Variants in TSEN2 observed in about 807,000 individuals in gnomAD.
TSEN2 encodes the protein tRNA splicing endonuclease subunit 2.
A neutral mutation model predicts 59.2 loss-of-function variants in TSEN2; 54 were observed. That is an observed-to-expected ratio of 0.91 (90% CI 0.73 to 1.14). The LOEUF is 1.14. Ranked by LOEUF, TSEN2 falls within the 50% of genes most tolerant of loss-of-function variation. TSEN2 has a pLI of 0.00. For missense variants in TSEN2, 636 were observed against 576.2 expected (o/e 1.10, Z -1.06); for synonymous variants, 195 against 198.2 (o/e 0.98, Z 0.14).
downstream of TSEN2, among the ~76,000 whole-genome samples, chr3:12,537,812 T>C (rs1042889908): frequency 4.6e-5 from 7 of 152,180 alleles, no homozygotes; most frequent in African/African-American, 1.7e-4. Context: ...GTCTTGAGGA[T>C]TGACAAGGAA....
upstream of TSEN2, among the ~76,000 whole-genome samples, chr3:12,483,520 TA>T (rs1414626846): frequency 6.6e-6 from 1 of 152,120 alleles, no homozygotes; most frequent in African/African-American, 2.4e-5. Context: ...AGCTGAGACC[TA>T]AAGGCTGACC....
chr3:12,503,525 G>T lies in TSEN2; in HGVS notation c.572G>T (p.Gly191Val). ...GGVGDPREPL[G>V]CLQEGSGCHP... is the part of the protein sequence containing the mutation. ...GTGGGTGATCCCCGTGAGCCATTAGGCTGCCTGCAGGAGGGCTCTGGCTGC... is the reference window on the plus strand; with the variant it reads ...GTGGGTGATCCCCGTGAGCCATTAGTCTGCCTGCAGGAGGGCTCTGGCTGC... The change falls in exon 5 of 12, where the codon GGC (glycine) becomes GTC (valine). Residue 191 changes from glycine (G) to valine (V), a missense_variant. Gly to Val is a moderately radical substitution (Grantham distance 109). Transcript: ENST00000284995. 1 of 1,613,564 alleles carries T rather than the reference G, an allele frequency of 6.2e-7. No individual in the cohort carries two copies.
Position 12,496,543 on chromosome 3 carries a change from C to T in TSEN2, c.297C>T (p.Ile99=). 1 of 1,614,130 alleles carries T rather than the reference C, an allele frequency of 6.2e-7. No individual in the cohort carries two copies. The highest frequency in any genetic ancestry group is 1.1e-5 in the South Asian group (1 of 91,080). Reference sequence around the variant, plus strand: ...ATATGAAGACAAACATGCCTATCATCACATCAAAGAGGTAAGTCATAATGA... The same window carrying T: ...ATATGAAGACAAACATGCCTATCATTACATCAAAGAGGTAAGTCATAATGA... ...WKDMKTNMPI[I]TSKRYQHSVE... is the part of the protein sequence containing the mutation. Residue 99 remains isoleucine (I), a synonymous_variant, in exon 4 of 12, where the codon ATC becomes ATT. Transcript: ENST00000284995.
At position 12,525,500 on chromosome 3, in the gene TSEN2, TAAGA is replaced by T. The variant is rs1158258273; in HGVS notation, c.1100-3383_1100-3380del. Among the ~76,000 whole-genome samples the T allele has an allele frequency of 5.0e-4, 76 of 152,182 alleles. 1 individual carries two copies. The highest frequency in any genetic ancestry group is 1.5e-4 in the Non-Finnish European group (10 of 68,032). ...CACACCTCTGTCTAGCATTCTTCTGTAAGAAAGAGTTTTCCTTTTATACTCCCTG... is the reference window on the plus strand; with the variant it reads ...CACACCTCTGTCTAGCATTCTTCTGTAAGAGTTTTCCTTTTATACTCCCTG... On this transcript the variant is annotated intron_variant, in intron 8 of 11. Coordinates refer to ENST00000284995, the MANE Select transcript of TSEN2 (RefSeq NM_025265.4).
chr3:12,489,662 A>G, intron 1 of TSEN2, 122 bp from the exon 2 acceptor site: 1 of 773,252 alleles, frequency 1.3e-6, no homozygotes, highest in Non-Finnish European at 2.2e-6. Flanking sequence ...TGCTTTATAA[A>G]TACTCTATTT....
chr3:12,480,722 C>T (rs368289912), upstream of TSEN2, among the ~76,000 whole-genome samples: 61 of 151,632 alleles, frequency 4.0e-4, 1 homozygote, highest in East Asian at 3.7e-3. Flanking sequence ...TTAGTAGAGA[C>T]GGGGTTTTGC....
At chr3:12,511,925 A>G (rs2055512856) in intron 6 of TSEN2, among the ~76,000 whole-genome samples, 1 of 152,232 alleles carries the variant, frequency 6.6e-6, no homozygotes, top group African/African-American at 2.4e-5. Context: ...TATAGATTTC[A>G]TTACCTAGAA....
intron 8 of TSEN2, among the ~76,000 whole-genome samples, chr3:12,522,016 TAATAAAAAATAAA>T (rs11272801): frequency 0.49 from 73,387 of 151,192 alleles, 18,697 homozygotes; most frequent in African/African-American, 0.61. Flanking sequence ...CAAAAAATAA[TAATAAAAAATAAA>T]AATAAAAAAT....
intron 3 of TSEN2, among the ~76,000 whole-genome samples, chr3:12,495,203 A>G (rs925393653): frequency 2.6e-5 from 4 of 151,290 alleles, no homozygotes; most frequent in Non-Finnish European, 4.4e-5. Flanking sequence ...ACTGAAGCTT[A>G]TATCAAGTTG....
At chr3:12,515,172 C>T (rs2055929313) in intron 6 of TSEN2, among the ~76,000 whole-genome samples, 1 of 152,206 alleles carries the variant, frequency 6.6e-6, no homozygotes, top group Non-Finnish European at 1.5e-5. Context: ...GATAGCCAGG[C>T]AGAGAATGAC....
At chr3:12,485,532 GT>G (rs2052526415) in intron 1 of TSEN2, among the ~76,000 whole-genome samples, 2 of 152,200 alleles carry the variant, frequency 1.3e-5, no homozygotes, top group Admixed American at 1.3e-4. Flanking sequence ...CTGGGATTAA[GT>G]GAATTTGAAT....
At chr3:12,483,078 A>G (rs1236585682), upstream of TSEN2, among the ~76,000 whole-genome samples, 1 of 152,210 alleles carries the variant, frequency 6.6e-6, no homozygotes, top group African/African-American at 2.4e-5. Flanking sequence ...CCCACAGTGC[A>G]GTTCAAAAAG....
upstream of TSEN2, among the ~76,000 whole-genome samples, chr3:12,480,922 C>T (rs779776331): frequency 3.3e-5 from 5 of 152,104 alleles, no homozygotes; most frequent in African/African-American, 4.8e-5. Context: ...CCTCATCTGG[C>T]CTTCACTACT....
At chr3:12,511,374 A>T (rs1297497400) in intron 6 of TSEN2, among the ~76,000 whole-genome samples, 1 of 152,220 alleles carries the variant, frequency 6.6e-6, no homozygotes, top group African/African-American at 2.4e-5. Flanking sequence ...AGACCCATTT[A>T]TAGATGGGAT....
intron 7 of TSEN2, among the ~76,000 whole-genome samples, chr3:12,518,302 T>C (rs1027989464): frequency 4.6e-5 from 7 of 152,266 alleles, no homozygotes; most frequent in Admixed American, 1.3e-4. Context: ...AAAGTGTTTT[T>C]TGTTCTTCTG....
intron 7 of TSEN2, among the ~76,000 whole-genome samples, chr3:12,516,912 T>G (rs919629603): frequency 6.6e-6 from 1 of 152,168 alleles, no homozygotes; most frequent in Non-Finnish European, 1.5e-5. Flanking sequence ...TACTGGATAA[T>G]GATTAGGAAA....
At chr3:12,492,901 T>G (rs1021858431) in intron 3 of TSEN2, among the ~76,000 whole-genome samples, 1 of 152,182 alleles carries the variant, frequency 6.6e-6, no homozygotes, top group African/African-American at 2.4e-5. Flanking sequence ...TCTAGCAAAA[T>G]TACCTATGCA....
intron 8 of TSEN2, among the ~76,000 whole-genome samples, chr3:12,523,526 C>CTT (rs546904336): frequency 0.082 from 3,807 of 46,332 alleles, 503 homozygotes; most frequent in African/African-American, 0.15. Flanking sequence ...CTCTTTGATT[C>CTT]TTTTTTTTTT....
At chr3:12,511,774 C>G (rs2055487090) in intron 6 of TSEN2, among the ~76,000 whole-genome samples, 1 of 152,022 alleles carries the variant, frequency 6.6e-6, no homozygotes, top group South Asian at 2.1e-4. Context: ...TCCATGTTGT[C>G]CAGGCTGGTT....
Sources: gnomAD v4.1 joint callset for allele counts (sites outside exome capture counted in the v4.1 genomes callset) on GRCh38, gnomAD v4.1.1 for gene constraint, MANE v1.5 for transcripts, NCBI Gene and HGNC (gene_info 2026-07-23, HGNC 2026-07-21) for gene names.